Variants in CNBD1 observed in about 807,000 individuals in gnomAD.
CNBD1 encodes the protein cyclic nucleotide binding domain containing 1.
A neutral mutation model predicts 54.4 loss-of-function variants in CNBD1; 71 were observed. That is an observed-to-expected ratio of 1.30 (90% CI 1.08 to 1.59). CNBD1 has a LOEUF of 1.59. Among genes scored for constraint, CNBD1 ranks in the 40% most tolerant of loss-of-function variants. The probability of loss-of-function intolerance (pLI) is 0.00; values close to 1 mark genes in which losing one functional copy is unlikely to be tolerated. For synonymous variants in CNBD1, 182 were observed against 170.7 expected (o/e 1.07, Z -0.51); for missense variants, 659 against 518.0 (o/e 1.27, Z -2.64).
intron 4 of CNBD1, among the ~76,000 whole-genome samples, chr8:87,055,883 TTTCC>T (rs71277912): frequency 0.39 from 35,741 of 92,478 alleles, 7,725 homozygotes; most frequent in East Asian, 0.54. Context: ...CTGCTTGACC[TTTCC>T]TTCCTTCCTT....
intron 4 of CNBD1, among the ~76,000 whole-genome samples, chr8:87,180,423 C>T (rs896464725): frequency 6.6e-6 from 1 of 151,940 alleles, no homozygotes; most frequent in Non-Finnish European, 1.5e-5. Flanking sequence ...TGTGTGTTGT[C>T]TTGTATTATT....
chr8:86,954,058 A>G (rs1023333701), intron 4 of CNBD1, among the ~76,000 whole-genome samples: 4 of 152,176 alleles, frequency 2.6e-5, no homozygotes, highest in Non-Finnish European at 5.9e-5. Context: ...TCATGACTCA[A>G]AGTGAAAAAC....
chr8:87,174,631 G>A (rs1354456891), intron 4 of CNBD1, among the ~76,000 whole-genome samples: 3 of 152,122 alleles, frequency 2.0e-5, no homozygotes, highest in Non-Finnish European at 4.4e-5. Flanking sequence ...CTTGATGCCT[G>A]TTGATATTTG....
intron 9 of CNBD1, 59 bp downstream of exon 9, chr8:87,351,853 G>A (rs1014169793): frequency 7.5e-7 from 1 of 1,325,708 alleles, no homozygotes; most frequent in Non-Finnish European, 9.8e-7. Context: ...AATAGTGTCA[G>A]ATACCTTTTC....
At chr8:87,293,411 G>T (rs1406531769) in intron 8 of CNBD1, among the ~76,000 whole-genome samples, 4 of 152,016 alleles carry the variant, frequency 2.6e-5, no homozygotes, top group Non-Finnish European at 5.9e-5. Context: ...AGGCACAGTG[G>T]CAGGCGCTTG....
At chr8:86,902,748 A>G (rs748773992) in intron 2 of CNBD1, among the ~76,000 whole-genome samples, 16 of 151,932 alleles carry the variant, frequency 1.1e-4, no homozygotes, top group Admixed American at 3.3e-4. Context: ...AATCACGAAA[A>G]ACATCTTCAG....
chr8:87,116,647 G>A (rs1359535820), intron 4 of CNBD1, among the ~76,000 whole-genome samples: 1 of 152,102 alleles, frequency 6.6e-6, no homozygotes, highest in Admixed American at 6.5e-5. Flanking sequence ...AGTCAAATCT[G>A]TGTTCCTCAT....
At position 86,942,398 on chromosome 8, in the gene CNBD1, G is replaced by A. The variant is rs527575133; in HGVS notation, c.431+2644G>A. 2.7e-4 allele frequency among the ~76,000 whole-genome samples: 41 copies of A among 152,312 alleles called. 1 individual carries two copies. Among genetic ancestry groups the A allele is most frequent in the African/African-American group, 9.6e-4 (40 of 41,570 alleles). On this transcript the variant is annotated intron_variant, in intron 4 of 10. Transcript: ENST00000518476. ...GCTCAGTGTCTCACAGATCATCAGA[G>A]TGTCCACTGGGCTGTGACCATTTCT... is the stretch of plus-strand genomic sequence containing the variant.
intron 4 of CNBD1, among the ~76,000 whole-genome samples, chr8:87,116,361 C>T (rs1199981210): frequency 6.6e-6 from 1 of 151,810 alleles, no homozygotes; most frequent in African/African-American, 2.4e-5. Flanking sequence ...ACCACCACAC[C>T]TGGCTAATTT....
intron 4 of CNBD1, among the ~76,000 whole-genome samples, chr8:87,072,605 T>A (rs1810781513): frequency 6.6e-6 from 1 of 152,126 alleles, no homozygotes; most frequent in African/African-American, 2.4e-5. Context: ...GATTGGAAAT[T>A]CTTTCATTTA....
chr8:86,929,529 A>G (rs1209669275), intron 3 of CNBD1, among the ~76,000 whole-genome samples: 1 of 152,158 alleles, frequency 6.6e-6, no homozygotes, highest in Non-Finnish European at 1.5e-5. Context: ...AGCTAAAGGG[A>G]CTTCTAAGAG....
intron 3 of CNBD1, among the ~76,000 whole-genome samples, chr8:86,910,469 A>G (rs114094668): frequency 0.021 from 3,195 of 152,284 alleles, 109 homozygotes; most frequent in African/African-American, 0.073. Flanking sequence ...GTGGCATAGA[A>G]CCTGTTAGCA....
intron 4 of CNBD1, among the ~76,000 whole-genome samples, chr8:87,127,121 C>T (rs1269246539): frequency 2.6e-5 from 4 of 151,854 alleles, no homozygotes; most frequent in Non-Finnish European, 2.9e-5. Context: ...TCTTATTTTT[C>T]AAAATCATTT....
intron 4 of CNBD1, among the ~76,000 whole-genome samples, chr8:86,965,417 G>T (rs908692577): frequency 3.9e-5 from 6 of 152,070 alleles, no homozygotes; most frequent in Admixed American, 2.6e-4. Context: ...AAACTGGGTT[G>T]GAACAAAACC....
chr8:87,411,399 TATATATATA>T lies in CNBD1; in HGVS notation c.214-17146_214-17138del, dbSNP rs1563591903. Among the ~76,000 whole-genome samples, 417 of 127,584 alleles carry T rather than the reference TATATATATA, an allele frequency of 3.3e-3. 9 individuals carry two copies. The highest frequency in any genetic ancestry group is 0.012 in the African/African-American group (373 of 31,712). 83.7% of individuals were successfully genotyped at this position (127,584 alleles called of 152,430 possible). ...AGGCAGGATTAACCTAGCTATATCA[TATATATATA>T]TATATATATATATATATATTTCATT... On this transcript the variant is annotated intron_variant, in intron 2 of 7. Coordinates refer to the CNBD1 transcript ENST00000521593.
intron 3 of CNBD1, among the ~76,000 whole-genome samples, chr8:86,918,071 A>G (rs1336076443): frequency 6.6e-6 from 1 of 152,188 alleles, no homozygotes; most frequent in African/African-American, 2.4e-5. Flanking sequence ...TAAAATACTT[A>G]TTTAAACTAT....
intron 10 of CNBD1, among the ~76,000 whole-genome samples, chr8:87,376,632 A>G (rs1165503510): frequency 1.3e-5 from 2 of 151,568 alleles, no homozygotes; most frequent in Non-Finnish European, 2.9e-5. Flanking sequence ...GTACTTCCAT[A>G]GAAATCTTTA....
rs778360424 is a variant in CNBD1 at position 87,206,068 on chromosome 8, G to C, written c.507G>C (p.Gln169His). 16 of 1,605,938 alleles carry C rather than the reference G, an allele frequency of 1.0e-5. No homozygotes were observed. In the South Asian group the frequency reaches 1.7e-4, roughly 17 times the overall value. ...FLKTIPDLTF[Q>H]LNDKHLKTLS... ...AAACAATTCCAGATTTAACCTTTCA[G>C]CTAAATGATAAGCATCTGAAAACAC... The change falls in exon 5 of 11, where the codon CAG (glutamine) becomes CAC (histidine). Residue 169 changes from glutamine (Q) to histidine (H), a missense_variant. Transcript: ENST00000518476.
chr8:86,987,655 T>G (rs1044133008), intron 4 of CNBD1, among the ~76,000 whole-genome samples: 1 of 152,220 alleles, frequency 6.6e-6, no homozygotes, highest in African/African-American at 2.4e-5. Flanking sequence ...AGATGGCTCT[T>G]ATTATTTTGA....
Sources: allele counts gnomAD v4.1 joint callset (sites outside exome capture counted in the v4.1 genomes callset), GRCh38; gene constraint gnomAD v4.1.1; transcripts MANE v1.5; gene names NCBI Gene and HGNC (gene_info 2026-07-23, HGNC 2026-07-21).